The following COL11A1 variants were observed in gnomAD, a reference collection of about 807,000 sequenced individuals.
COL11A1 encodes collagen type XI alpha 1 chain.
A neutral mutation model predicts 265.2 loss-of-function variants in COL11A1; 74 were observed. The ratio of observed to expected loss-of-function variants is 0.28; its 90% CI spans 0.23 to 0.34. The LOEUF (loss-of-function observed/expected upper bound fraction) is 0.34. Among genes scored for constraint, COL11A1 ranks in the 10% least tolerant of loss-of-function variants. COL11A1 has a pLI of 1.00. For missense variants in COL11A1, 2,165 were observed against 2,263.6 expected, an observed-to-expected ratio of 0.96 and a Z score of 0.88; for synonymous variants, 816 against 727.6, an observed-to-expected ratio of 1.12 and a Z score of -1.96.
At position 103,000,744 on chromosome 1, in the gene COL11A1, C is replaced by T. The variant is rs186515052; in HGVS notation, c.2142+1181G>A. 2.6e-3 allele frequency among the ~76,000 whole-genome samples: 398 copies of T among 151,998 alleles called. 5 individuals carry two copies. Among genetic ancestry groups the T allele is most frequent in the African/African-American group, 9.2e-3 (383 of 41,506 alleles). On this transcript the variant is annotated intron_variant, in intron 24 of 66. Transcript: ENST00000370096. ...AGTTTACCATAACACAAGAATTCTG[C>T]TTCTAAGTATATACCAAAAAGAATG...
intron 4 of COL11A1, among the ~76,000 whole-genome samples, chr1:103,037,032 A>G (rs995550925): frequency 8.6e-5 from 13 of 151,386 alleles, no homozygotes; most frequent in Non-Finnish European, 1.8e-4. Flanking sequence ...TATTTTTTTT[A>G]TCAAAATCAA....
intron 4 of COL11A1, among the ~76,000 whole-genome samples, chr1:103,053,175 G>A (rs1390563785): frequency 2.6e-5 from 4 of 152,130 alleles, no homozygotes; most frequent in African/African-American, 4.8e-5. Flanking sequence ...CCCTTTTAGA[G>A]GACAAGTAGC....
intron 49 of COL11A1, 119 bp from the exon 50 acceptor site, chr1:102,915,803 C>A (rs1357812805): frequency 1.3e-6 from 1 of 790,138 alleles, no homozygotes; most frequent in Non-Finnish European, 2.0e-6. Flanking sequence ...ATTTAAAAGG[C>A]ATTGAAAAAC....
At chr1:103,034,283 A>G (rs1216546582) in intron 4 of COL11A1, among the ~76,000 whole-genome samples, 1 of 152,020 alleles carries the variant, frequency 6.6e-6, no homozygotes, top group East Asian at 1.9e-4. Flanking sequence ...TTTGTTAAAT[A>G]TGTTTTCTGC....
At chr1:102,976,453 C>A (rs1262295714) in intron 35 of COL11A1, among the ~76,000 whole-genome samples, 1 of 151,938 alleles carries the variant, frequency 6.6e-6, no homozygotes, top group Admixed American at 6.6e-5. Context: ...CACCCACCAC[C>A]ATGCCCAGCT....
chr1:102,922,910 A>T (rs1013596026), intron 47 of COL11A1, among the ~76,000 whole-genome samples: 1 of 152,188 alleles, frequency 6.6e-6, no homozygotes, highest in African/African-American at 2.4e-5. Flanking sequence ...ATCACATTTC[A>T]TTATGGATTT....
At chr1:102,980,023 G>GT (rs1333395727) in intron 31 of COL11A1, among the ~76,000 whole-genome samples, 1 of 151,994 alleles carries the variant, frequency 6.6e-6, no homozygotes, top group African/African-American at 2.4e-5. Context: ...TTAAAACTCT[G>GT]TTTTTTAGAA....
At chr1:102,986,044 A>G (rs974857419) in intron 30 of COL11A1, among the ~76,000 whole-genome samples, 3 of 152,078 alleles carry the variant, frequency 2.0e-5, no homozygotes, top group Admixed American at 6.6e-5. Flanking sequence ...CACACTCTCT[A>G]TCTAATACCT....
chr1:102,997,260 C>A, intron 25 of COL11A1, 136 bp from the exon 26 acceptor site: 1 of 825,352 alleles, frequency 1.2e-6, no homozygotes, highest in Non-Finnish European at 2.1e-6. Context: ...ACTTTTGCAT[C>A]AGTGTGTATG....
chr1:102,956,972 G>A (rs1660437222), intron 41 of COL11A1, among the ~76,000 whole-genome samples: 1 of 151,306 alleles, frequency 6.6e-6, no homozygotes, highest in Non-Finnish European at 1.5e-5. Context: ...TATTTTTAAA[G>A]CTATGGTTAG....
intron 4 of COL11A1, among the ~76,000 whole-genome samples, chr1:103,058,394 T>C (rs927386947): frequency 1.3e-5 from 2 of 152,308 alleles, no homozygotes; most frequent in Admixed American, 1.3e-4. Context: ...ACTGTTTTGC[T>C]TCCTTACCAT....
In COL11A1 at chr1:102,978,758, A is replaced by G. The variant is rs747363520; in HGVS notation, c.2710-6T>C. 2.5e-6 allele frequency: 4 copies of G among 1,614,192 alleles called. No individual in the cohort carries two copies. The East Asian group carries it at 8.9e-5, about 36-fold the overall frequency. ...CCATCGCCACCTGAAGTGCCCTGGC[A>G]CCAAGAAAAGAAAAGAAAAATCAGT... is the stretch of plus-strand genomic sequence containing the variant. On this transcript the variant is annotated splice_polypyrimidine_tract_variant and splice_region_variant and intron_variant, in intron 34 of 66. Transcript: ENST00000370096.
At chr1:102,997,425 C>A (rs1385356913) in intron 25 of COL11A1, among the ~76,000 whole-genome samples, 3 of 151,892 alleles carry the variant, frequency 2.0e-5, no homozygotes, top group Non-Finnish European at 4.4e-5. Flanking sequence ...TCAACCCCAG[C>A]CTCAATTAAA....
chr1:103,060,165 A>C (rs113930798), intron 4 of COL11A1, among the ~76,000 whole-genome samples: 11,002 of 152,222 alleles, frequency 0.072, 569 homozygotes, highest in African/African-American at 0.14. Flanking sequence ...CATCTGACTT[A>C]TCAGAAATCA....
chr1:103,040,512 A>C (rs1207621180), intron 4 of COL11A1, among the ~76,000 whole-genome samples: 2 of 151,260 alleles, frequency 1.3e-5, no homozygotes, highest in East Asian at 1.9e-4. Flanking sequence ...ATTCTAAAAA[A>C]TACTTAGAGA....
chr1:103,108,105 GTCAATGC>G lies in COL11A1; in HGVS notation c.67_73del (p.Ala23ProfsTer18). On this transcript the variant is annotated frameshift_variant, in exon 1 of 67. Coordinates refer to ENST00000370096, the MANE Select transcript of COL11A1 (RefSeq NM_001854.4). LOFTEE classifies it high-confidence loss of function. Reference sequence around the variant, plus strand: ...GACCTCTCTAGCTTGGAAGAGGAAGGTCAATGCGAGGGTTGTTACGGTGAAATCCCAG... The same window carrying G: ...GACCTCTCTAGCTTGGAAGAGGAAGGGAGGGTTGTTACGGTGAAATCCCAG... 4 of 1,613,810 alleles carry G rather than the reference GTCAATGC, an allele frequency of 2.5e-6. No homozygotes were observed. Among genetic ancestry groups the G allele is most frequent in the Non-Finnish European group, 3.4e-6 (4 of 1,179,986 alleles).
At chr1:102,940,715 C>T (rs550211530) in intron 42 of COL11A1, among the ~76,000 whole-genome samples, 1 of 152,212 alleles carries the variant, frequency 6.6e-6, no homozygotes, top group African/African-American at 2.4e-5. Flanking sequence ...AATCAGATTT[C>T]TTACATTTGC....
At chr1:102,927,594 G>A (rs895172649) in intron 46 of COL11A1, among the ~76,000 whole-genome samples, 9 of 151,906 alleles carry the variant, frequency 5.9e-5, no homozygotes, top group African/African-American at 1.7e-4. Flanking sequence ...AGTGAGCCGA[G>A]AGCAGGCCAC....
intron 7 of COL11A1, among the ~76,000 whole-genome samples, chr1:103,024,044 T>C (rs946427549): frequency 5.9e-5 from 9 of 152,168 alleles, no homozygotes; most frequent in Non-Finnish European, 1.2e-4. Context: ...TCCTTACTAG[T>C]AGAATAAACC....
Sources: gnomAD v4.1 joint callset for allele counts (sites outside exome capture counted in the v4.1 genomes callset) on GRCh38, gnomAD v4.1.1 for gene constraint, MANE v1.5 for transcripts, NCBI Gene and HGNC (gene_info 2026-07-23, HGNC 2026-07-21) for gene names.